Variants in ATP8B1 observed in about 807,000 individuals in gnomAD.
ATP8B1 encodes ATPase phospholipid transporting 8B1.
A neutral mutation model predicts 149.9 loss-of-function variants in ATP8B1; 80 were observed. The ratio of observed to expected loss-of-function variants is 0.53; its 90% CI spans 0.45 to 0.64. The LOEUF is 0.64. ATP8B1 is among the 30% of genes least tolerant of loss of function. ATP8B1 has a pLI of 0.00. For synonymous variants in ATP8B1, 536 were observed against 562.8 expected (o/e 0.95, Z 0.67); for missense variants, 1,247 against 1,552.6 (o/e 0.80, Z 3.31).
chr18:57,668,782 C>A, intron 18 of ATP8B1: 1 of 467,212 alleles, frequency 2.1e-6, no homozygotes, highest in Non-Finnish European at 3.8e-6. Context: ...GACAAAAATG[C>A]AAGTACAAAA....
intron 2 of ATP8B1, among the ~76,000 whole-genome samples, chr18:57,708,774 CA>C (rs1265826502): frequency 6.6e-6 from 1 of 152,182 alleles, no homozygotes; most frequent in African/African-American, 2.4e-5. Context: ...TGATCTTTCC[CA>C]GTCCACTTCT....
chr18:57,775,274 T>C (rs149557701), intron 1 of ATP8B1, among the ~76,000 whole-genome samples: 1,649 of 151,826 alleles, frequency 0.011, 34 homozygotes, highest in African/African-American at 0.037. Context: ...AATGATCATG[T>C]CATTGCAGTC....
chr18:57,798,749 G>C (rs7243182), intron 1 of ATP8B1, among the ~76,000 whole-genome samples: 2,389 of 152,274 alleles, frequency 0.016, 63 homozygotes, highest in African/African-American at 0.055. Flanking sequence ...ACAGCAACCA[G>C]GCCCCCTCAC....
chr18:57,688,374 A>G lies in ATP8B1; in HGVS notation c.1354T>C (p.Phe452Leu), dbSNP rs773547169. Residue 452 changes from phenylalanine to leucine, a missense_variant, in exon 13 of 28, where the codon TTC becomes CTC. By Grantham distance (22) the Phe-to-Leu change is conservative. Transcript: ENST00000648908. ...NEQLGQIHYI[F>L]SDKTGTLTQN... ...GTGAGTGTCCCCGTCTTATCAGAGA[A>G]GATATAATGGATCTGCCCGAGCTGT... The G allele has an allele frequency of 6.2e-7, 1 of 1,614,198 alleles. No homozygotes were observed. The highest frequency in any genetic ancestry group is 8.5e-7 in the Non-Finnish European group (1 of 1,180,036).
At chr18:57,701,354 A>T (rs61370323) in intron 4 of ATP8B1, 41 bp from the exon 5 acceptor site, 1 of 1,553,582 alleles carries the variant, frequency 6.4e-7, no homozygotes, top group Admixed American at 1.7e-5. Flanking sequence ...CCATGAAGGC[A>T]TATCAAGCTT....
chr18:57,726,609 T>C (rs2079711517), intron 2 of ATP8B1, among the ~76,000 whole-genome samples: 1 of 152,186 alleles, frequency 6.6e-6, no homozygotes, highest in African/African-American at 2.4e-5. Context: ...TGTCTTCCTA[T>C]GGTGACTTCT....
chr18:57,674,688 C>A, intron 16 of ATP8B1, 146 bp downstream of exon 16: 2 of 951,802 alleles, frequency 2.1e-6, no homozygotes. Context: ...GCCCAGCCAA[C>A]AATACCAGTT....
intron 23 of ATP8B1, among the ~76,000 whole-genome samples, chr18:57,654,543 T>C (rs1599070720): frequency 6.6e-6 from 1 of 152,224 alleles, no homozygotes; most frequent in Middle Eastern, 3.4e-3. Flanking sequence ...GGTCTCCAAC[T>C]CTTGACCTCA....
rs10680324 is a variant in ATP8B1 at position 57,744,307 on chromosome 18, CAA to C, written c.-25-12477_-25-12476del. Among the ~76,000 whole-genome samples, 8 of 97,832 alleles carry C rather than the reference CAA, an allele frequency of 8.2e-5. No individual in the cohort carries two copies. The East Asian group carries it at 2.2e-3, about 27-fold the overall frequency. The allele number at this position is 97,832 out of a possible 152,430, so 64.2% of individuals were successfully genotyped here. A position where few individuals can be genotyped will look rare whatever the true frequency, so the allele number is the denominator to read the frequency against. On this transcript the variant is annotated intron_variant, in intron 1 of 27. Transcript: ENST00000648908. ...CCTGGGTGACAGAGTGAGACTGTCTCAAAAAAAAAAAAAAAAAAGAAAGAAAT... is the reference window on the plus strand; with the variant it reads ...CCTGGGTGACAGAGTGAGACTGTCTCAAAAAAAAAAAAAAAAGAAAGAAAT...
At chr18:57,797,675 G>C (rs1432768284) in intron 1 of ATP8B1, among the ~76,000 whole-genome samples, 1 of 150,938 alleles carries the variant, frequency 6.6e-6, no homozygotes, top group Non-Finnish European at 1.5e-5. Flanking sequence ...CAGGAAGAGA[G>C]CAGACACCTG....
At chr18:57,773,097 G>A (rs1468215894) in intron 1 of ATP8B1, among the ~76,000 whole-genome samples, 1 of 151,618 alleles carries the variant, frequency 6.6e-6, no homozygotes, top group African/African-American at 2.4e-5. Flanking sequence ...CAGCTACTCA[G>A]GAGGCTGAAG....
In ATP8B1 at chr18:57,684,103, C is replaced by G; in HGVS notation, c.1563G>C (p.Glu521Asp). The G allele has an allele frequency of 6.2e-7, 1 of 1,614,162 alleles. No homozygotes were observed. The highest frequency in any genetic ancestry group is 1.7e-5 in the Admixed American group (1 of 60,012). Residue 521 changes from glutamate to aspartate, a missense_variant, in exon 15 of 28, where the codon GAG becomes GAC. Physicochemically the swap from Glu to Asp is conservative, Grantham distance 45. Around this residue, in one of 3 missense-constraint regions of ATP8B1, gnomAD observed 853 missense variants for 1,035.7 expected, o/e 0.82. Coordinates refer to ENST00000648908, the MANE Select transcript of ATP8B1 (RefSeq NM_001374385.1). ...YLIEQIQSGK[E>D]PEVRQFFFLL... The stretch of plus-strand genomic sequence containing the variant: ...AGAAGAAGAACTGTCGTACTTCTGG[C>G]TCTTTCCCTGACTGGATTTGCTCAA...
chr18:57,694,968 T>C (rs963262260), intron 10 of ATP8B1, among the ~76,000 whole-genome samples: 1 of 143,392 alleles, frequency 7.0e-6, no homozygotes, highest in African/African-American at 2.7e-5. Flanking sequence ...AGACAGAGGT[T>C]GCAGTGAGCT....
At chr18:57,676,306 C>T (rs1035979953) in intron 15 of ATP8B1, among the ~76,000 whole-genome samples, 7 of 151,742 alleles carry the variant, frequency 4.6e-5, no homozygotes, top group Admixed American at 3.3e-4. Context: ...GGACTATAGG[C>T]GCACATCACC....
At chr18:57,781,823 G>A (rs968755104) in intron 1 of ATP8B1, among the ~76,000 whole-genome samples, 1 of 152,112 alleles carries the variant, frequency 6.6e-6, no homozygotes, top group African/African-American at 2.4e-5. Flanking sequence ...CTCTACAAAA[G>A]AAGAAATTTT....
chr18:57,762,461 A>G (rs2080167577), intron 1 of ATP8B1, among the ~76,000 whole-genome samples: 1 of 152,114 alleles, frequency 6.6e-6, no homozygotes, highest in Non-Finnish European at 1.5e-5. Flanking sequence ...TATTGTAACT[A>G]AAGTCCCTAG....
chr18:57,690,924 C>A (rs2122865507), intron 12 of ATP8B1, among the ~76,000 whole-genome samples: 1 of 152,110 alleles, frequency 6.6e-6, no homozygotes, highest in South Asian at 2.1e-4. Context: ...GCCTGTAATC[C>A]CAGCACTTTG....
chr18:57,742,267 T>A (rs1196845863), intron 1 of ATP8B1, among the ~76,000 whole-genome samples: 1 of 152,202 alleles, frequency 6.6e-6, no homozygotes, highest in Non-Finnish European at 1.5e-5. Context: ...GTATCTAAGA[T>A]CTGCATTAAA....
chr18:57,742,954 C>G (rs1008661184), intron 1 of ATP8B1, among the ~76,000 whole-genome samples: 1 of 152,098 alleles, frequency 6.6e-6, no homozygotes, highest in Non-Finnish European at 1.5e-5. Context: ...TTTTCATTCC[C>G]CTGGCTAAGG....
Sources: gnomAD v4.1 joint callset for allele counts (sites outside exome capture counted in the v4.1 genomes callset) on GRCh38, gnomAD v4.1.1 for gene constraint, gnomAD v4.1.1 regional missense constraint, MANE v1.5 for transcripts, NCBI Gene and HGNC (gene_info 2026-07-23, HGNC 2026-07-21) for gene names.